CATSPERE: variants seen among roughly 807,000 people sequenced by gnomAD.
CATSPERE encodes the protein cation channel sperm-associated auxiliary subunit epsilon.
In CATSPERE, 93 loss-of-function variants were observed where a neutral mutation model predicts 114.1. The ratio of observed to expected loss-of-function variants is 0.81; its 90% CI spans 0.69 to 0.97. CATSPERE has a LOEUF of 0.97. Ranked by LOEUF, CATSPERE falls within the 50% of genes least tolerant of loss-of-function variation. CATSPERE has a pLI of 0.00. For synonymous variants in CATSPERE, 341 were observed against 384.1 expected (o/e 0.89, Z 1.31); for missense variants, 1,058 against 1,131.6 (o/e 0.93, Z 0.93).
At chr1:244,569,692 A>G (rs1349575733) in intron 10 of CATSPERE, among the ~76,000 whole-genome samples, 1 of 152,186 alleles carries the variant, frequency 6.6e-6, no homozygotes, top group Non-Finnish European at 1.5e-5. Flanking sequence ...ATTTAGCAAG[A>G]GTTAGGAATC....
Position 244,484,729 on chromosome 1 carries a change from TC to T in CATSPERE, c.326+4946del, listed in dbSNP as rs1204855301. Among the ~76,000 whole-genome samples the T allele has an allele frequency of 2.6e-5, 4 of 152,356 alleles. No homozygotes were observed. In the East Asian group the frequency reaches 7.7e-4, roughly 29 times the overall value. ...TGGATTTATCCACAGACCTATCATT[TC>T]TTTGCTCAACAATGCTTATATTCTC... On this transcript the variant is annotated intron_variant, in intron 5 of 21. Coordinates refer to ENST00000366534, the MANE Select transcript of CATSPERE (RefSeq NM_001130957.2).
chr1:244,509,642 A>G (rs541893837), intron 7 of CATSPERE, among the ~76,000 whole-genome samples: 1 of 152,154 alleles, frequency 6.6e-6, no homozygotes, highest in African/African-American at 2.4e-5. Flanking sequence ...AATAGTTTGC[A>G]GAGAACCGAT....
At chr1:244,482,410 T>C (rs186275797) in intron 5 of CATSPERE, among the ~76,000 whole-genome samples, 2 of 152,100 alleles carry the variant, frequency 1.3e-5, no homozygotes. Context: ...AAGACCATCC[T>C]GGGAAACATA....
intron 2 of CATSPERE, among the ~76,000 whole-genome samples, chr1:244,466,484 A>T (rs557277907): frequency 7.9e-5 from 12 of 152,096 alleles, no homozygotes; most frequent in Non-Finnish European, 1.8e-4. Flanking sequence ...GCCAGTACAC[A>T]CTTGGGTAGC....
intron 20 of CATSPERE, among the ~76,000 whole-genome samples, chr1:244,634,072 C>T (rs1674322228): frequency 6.6e-6 from 1 of 152,120 alleles, no homozygotes; most frequent in African/African-American, 2.4e-5. Flanking sequence ...CCATGTTGCC[C>T]AGGCTGGTCT....
At chr1:244,514,920 T>C (rs1676379913) in intron 7 of CATSPERE, among the ~76,000 whole-genome samples, 1 of 152,066 alleles carries the variant, frequency 6.6e-6, no homozygotes, top group Admixed American at 6.6e-5. Context: ...CAGCATCAAT[T>C]TCCTAGTTTA....
chr1:244,499,029 G>A lies in CATSPERE; in HGVS notation c.379G>A (p.Glu127Lys), dbSNP rs1193298636. The A allele has an allele frequency of 6.2e-7, 1 of 1,613,144 alleles. No individual in the cohort carries two copies. Residue 127 changes from glutamate to lysine, a missense_variant, in exon 7 of 22, where the codon GAA becomes AAA. Physicochemically the swap from Glu to Lys is moderately conservative, Grantham distance 56 (BLOSUM62 1). This residue lies in a region of CATSPERE where 271 missense variants were observed against 225.9 expected (regional missense o/e 1.20). Transcript: ENST00000366534. The stretch of plus-strand genomic sequence containing the variant: ...TATCACTGTGTGGGCATATGATCCA[G>A]AAAGTGCAGATCCTGATGAGTTGCT... ...QLITVWAYDPESADPDELLGN... is the reference protein window; with the variant it reads ...QLITVWAYDPKSADPDELLGN...
intron 17 of CATSPERE, among the ~76,000 whole-genome samples, chr1:244,595,368 A>C (rs919412065): frequency 7.9e-5 from 12 of 152,222 alleles, no homozygotes; most frequent in Non-Finnish European, 1.5e-4. Context: ...CATTTGAGCT[A>C]AGTCACTGAG....
chr1:244,451,632 C>G (rs1192787325), upstream of CATSPERE: 3 of 1,607,892 alleles, frequency 1.9e-6, no homozygotes, highest in Non-Finnish European at 2.5e-6. The surrounding 1 kb of genome is among the most constrained non-coding windows in gnomAD (Gnocchi z 6.6). Flanking sequence ...CCCGTCGCCT[C>G]ACCTGGCAGC....
chr1:244,517,343 C>T (rs1248030950), intron 7 of CATSPERE, among the ~76,000 whole-genome samples: 1 of 151,864 alleles, frequency 6.6e-6, no homozygotes, highest in Non-Finnish European at 1.5e-5. Flanking sequence ...AAGAATGCTT[C>T]ATTTACTCTT....
At chr1:244,610,754 CTTT>C (rs56253016) in intron 19 of CATSPERE, among the ~76,000 whole-genome samples, 9 of 136,356 alleles carry the variant, frequency 6.6e-5, no homozygotes, top group Admixed American at 7.4e-5. Flanking sequence ...ATTTTCTTTC[CTTT>C]TTTTTTTTTT....
chr1:244,516,828 G>GCC (rs1676725032), intron 7 of CATSPERE, among the ~76,000 whole-genome samples: 1 of 152,058 alleles, frequency 6.6e-6, no homozygotes, highest in Non-Finnish European at 1.5e-5. Flanking sequence ...CAGCCTAAAA[G>GCC]AGTTTTTAAA....
chr1:244,477,995 T>C lies in CATSPERE; in HGVS notation c.258+20T>C, dbSNP rs376144649. On this transcript the variant is annotated intron_variant, in intron 4 of 21. Coordinates refer to ENST00000366534, the MANE Select transcript of CATSPERE (RefSeq NM_001130957.2). ...GGCCCAGTAAGTTGTTTTAATGATA[T>C]GTTATTAAATCTTGAATAATCATCC... 26 of 1,521,668 alleles carry C rather than the reference T, an allele frequency of 1.7e-5. No individual in the cohort carries two copies. Among genetic ancestry groups the C allele is most frequent in the South Asian group, 8.1e-5 (7 of 86,828 alleles). The allele number at this position is 1,521,668 out of a possible 1,614,324, so 94.3% of individuals were successfully genotyped here.
At chr1:244,501,582 A>G (rs905606499) in intron 7 of CATSPERE, among the ~76,000 whole-genome samples, 1 of 152,210 alleles carries the variant, frequency 6.6e-6, no homozygotes. Context: ...TACGCAACCA[A>G]TTGTTTCATC....
intron 8 of CATSPERE, among the ~76,000 whole-genome samples, chr1:244,532,959 GTCT>G (rs1280862907): frequency 4.0e-5 from 6 of 151,420 alleles, no homozygotes; most frequent in Non-Finnish European, 1.5e-5. Context: ...ATGTTGAAGT[GTCT>G]GGCTATTATT....
rs1558608845 is a variant in CATSPERE, at chr1:244,621,069, TA to T, written c.2648+3387del. ...ATATATAAATATATATAAATATATA[TA>T]AAATATATATATAAATATATATAAA... On this transcript the variant is annotated intron_variant, in intron 20 of 21. Coordinates refer to ENST00000366534, the MANE Select transcript of CATSPERE (RefSeq NM_001130957.2). 1.1e-4 allele frequency among the ~76,000 whole-genome samples: 6 copies of T among 56,644 alleles called. No individual in the cohort carries two copies. The South Asian group carries it at 1.4e-3, about 13-fold the overall frequency. 37.2% of individuals were successfully genotyped at this position (56,644 alleles called of 152,430 possible). A position where few individuals can be genotyped will look rare whatever the true frequency, so the allele number is the denominator to read the frequency against.
At chr1:244,578,446 C>T (rs565288032) in intron 11 of CATSPERE, among the ~76,000 whole-genome samples, 31 of 152,166 alleles carry the variant, frequency 2.0e-4, no homozygotes, top group South Asian at 4.2e-4. Context: ...TCACCACACC[C>T]GGCCGTGGTA....
chr1:244,460,386 G>T (rs1355197454), upstream of CATSPERE, among the ~76,000 whole-genome samples: 1 of 152,052 alleles, frequency 6.6e-6, no homozygotes, highest in African/African-American at 2.4e-5. Flanking sequence ...TCAGTAAACT[G>T]GCTCATCTGA....
rs757828170 is a variant in CATSPERE, at chr1:244,581,855, G to A, written c.2009+1G>A. The A allele has an allele frequency of 1.4e-5, 18 of 1,263,280 alleles. No individual in the cohort carries two copies. The highest frequency in any genetic ancestry group is 2.0e-5 in the Non-Finnish European group (18 of 891,626). The allele number at this position is 1,263,280 out of a possible 1,614,324, so 78.3% of individuals were successfully genotyped here. A position where few individuals can be genotyped will look rare whatever the true frequency, so the allele number is the denominator to read the frequency against. ...GAATATCTGATTACTTTGAGACACA[G>A]TAAGTATAACTTTTAAAAGAACTTT... On this transcript the variant is annotated splice_donor_variant, in intron 12 of 21. Transcript: ENST00000366534. LOFTEE classifies it high-confidence loss of function.
Sources: allele counts gnomAD v4.1 joint callset (sites outside exome capture counted in the v4.1 genomes callset), GRCh38; gene constraint gnomAD v4.1.1; regional missense constraint gnomAD v4.1.1; non-coding constraint Gnocchi (gnomAD v3.1); transcripts MANE v1.5; gene names NCBI Gene and HGNC (gene_info 2026-07-23, HGNC 2026-07-21).